Variants in CHRM2 observed in about 807,000 individuals in gnomAD.
CHRM2 encodes cholinergic receptor muscarinic 2, also known as muscarinic acetylcholine receptor M2.
CHRM2 carries 8 observed loss-of-function variants against 25.0 expected under a neutral mutation model. The observed-to-expected ratio is 0.32, with a 90% CI of 0.19 to 0.58. CHRM2 has a LOEUF of 0.58. CHRM2 is among the 20% of genes least tolerant of loss of function. The probability of loss-of-function intolerance (pLI) is 0.88; values close to 1 mark genes in which losing one functional copy is unlikely to be tolerated. For missense variants in CHRM2, 440 were observed against 567.1 expected (o/e 0.78, Z 2.28); for synonymous variants, 202 against 205.7 (o/e 0.98, Z 0.15).
chr7:136,983,528 T>C (rs895804682), intron 2 of CHRM2, among the ~76,000 whole-genome samples: 1 of 152,228 alleles, frequency 6.6e-6, no homozygotes, highest in Non-Finnish European at 1.5e-5. Context: ...GTTTTTGGAA[T>C]GTTCAGCCTT....
chr7:137,017,619 G>A lies in CHRM2; in HGVS notation c.*1353G>A, dbSNP rs1030248516. The stretch of plus-strand genomic sequence containing the variant: ...TTACATATTCCATATTCCTCAAATT[G>A]TCAATTCTCCCTAACATTATTTAAC... On this transcript the variant is annotated 3_prime_UTR_variant, in exon 4 of 4. Coordinates refer to ENST00000680005, the MANE Select transcript of CHRM2 (RefSeq NM_001006630.2). The A allele has an allele frequency of 3.9e-5, 6 of 151,954 alleles. No individual in the cohort carries two copies. Among genetic ancestry groups the A allele is most frequent in the African/African-American group, 1.4e-4 (6 of 41,418 alleles). 9.4% of individuals were successfully genotyped at this position (151,954 alleles called of 1,614,324 possible).
intron 2 of CHRM2, among the ~76,000 whole-genome samples, chr7:136,916,930 T>A (rs17496363): frequency 0.22 from 33,792 of 151,490 alleles, 4,927 homozygotes; most frequent in Non-Finnish European, 0.32. Flanking sequence ...GATCTCAGTG[T>A]TTTAATTCAG....
At chr7:136,964,965 T>A (rs1401219730) in intron 2 of CHRM2, among the ~76,000 whole-genome samples, 1 of 152,128 alleles carries the variant, frequency 6.6e-6, no homozygotes, top group Non-Finnish European at 1.5e-5. Context: ...CTTACAAATA[T>A]TGGAAATTTT....
chr7:136,966,713 CT>C (rs5887819), intron 2 of CHRM2, among the ~76,000 whole-genome samples: 89 of 145,754 alleles, frequency 6.1e-4, no homozygotes, highest in African/African-American at 1.4e-3. Context: ...TATAACTTGC[CT>C]TTTTTTTTTT....
rs1454074793 is a variant in CHRM2, at chr7:136,975,119, T to A, written c.-124-17068T>A. On this transcript the variant is annotated intron_variant, in intron 2 of 3. Coordinates refer to ENST00000680005, the MANE Select transcript of CHRM2 (RefSeq NM_001006630.2). ...TCAATAATAAGCAATTTAAAGCTCATAGGAGTGGACAATAATTGAAGATGA... is the reference window on the plus strand; with the variant it reads ...TCAATAATAAGCAATTTAAAGCTCAAAGGAGTGGACAATAATTGAAGATGA... Among the ~76,000 whole-genome samples, 3 of 152,198 alleles carry A rather than the reference T, an allele frequency of 2.0e-5. 1 individual carries two copies. The highest frequency in any genetic ancestry group is 7.2e-5 in the African/African-American group (3 of 41,450).
chr7:136,962,244 T>C (rs1419842589), intron 2 of CHRM2, among the ~76,000 whole-genome samples: 1 of 122,362 alleles, frequency 8.2e-6, no homozygotes, highest in Non-Finnish European at 1.7e-5. Context: ...GTGATTCTCA[T>C]GCCTCAGCCT....
chr7:136,980,822 C>T (rs372558471), intron 2 of CHRM2, among the ~76,000 whole-genome samples: 49 of 152,202 alleles, frequency 3.2e-4, no homozygotes, highest in African/African-American at 1.0e-3. Flanking sequence ...AGCTTTTTAA[C>T]GTGCTGCTGG....
intron 2 of CHRM2, among the ~76,000 whole-genome samples, chr7:136,924,707 A>G (rs946418244): frequency 2.0e-5 from 3 of 152,124 alleles, no homozygotes; most frequent in Non-Finnish European, 4.4e-5. Flanking sequence ...CTCTGCTGCC[A>G]GTGGTCACTG....
intron 2 of CHRM2, among the ~76,000 whole-genome samples, chr7:136,988,894 A>G (rs1458724359): frequency 6.6e-6 from 1 of 152,074 alleles, no homozygotes; most frequent in Admixed American, 6.5e-5. Context: ...TTATATATTT[A>G]TACAAATAAA....
intron 2 of CHRM2, chr7:136,902,252 CATCT>C (rs1440905349): frequency 2.0e-5 from 3 of 147,666 alleles, no homozygotes; most frequent in Non-Finnish European, 3.0e-5. Context: ...TCCATCCATC[CATCT>C]ATCCACCTAG....
At chr7:136,941,069 C>T (rs1799744058) in intron 2 of CHRM2, among the ~76,000 whole-genome samples, 1 of 152,184 alleles carries the variant, frequency 6.6e-6, no homozygotes, top group African/African-American at 2.4e-5. Flanking sequence ...CTGCTGAGGC[C>T]TGGGTTTACT....
At chr7:136,944,510 C>CAT (rs1799957049) in intron 2 of CHRM2, among the ~76,000 whole-genome samples, 1 of 151,698 alleles carries the variant, frequency 6.6e-6, no homozygotes, top group African/African-American at 2.4e-5. Flanking sequence ...TATATGTGTA[C>CAT]ATATATACGT....
At chr7:136,942,608 C>T (rs1054854924) in intron 2 of CHRM2, among the ~76,000 whole-genome samples, 8 of 152,164 alleles carry the variant, frequency 5.3e-5, no homozygotes, top group Non-Finnish European at 7.4e-5. Context: ...CCTCTTGTCC[C>T]TTTACCCTTT....
At chr7:137,010,881 G>A (rs1399921200) in intron 3 of CHRM2, among the ~76,000 whole-genome samples, 3 of 151,812 alleles carry the variant, frequency 2.0e-5, no homozygotes, top group East Asian at 1.9e-4. Context: ...CACGTTACTG[G>A]ATAGAGTATA....
At chr7:136,942,353 G>A (rs1429001944) in intron 2 of CHRM2, among the ~76,000 whole-genome samples, 4 of 152,064 alleles carry the variant, frequency 2.6e-5, no homozygotes, top group Non-Finnish European at 4.4e-5. Flanking sequence ...TTTGTGTCCT[G>A]GCAGCTTCCA....
chr7:136,923,385 T>C (rs1451866764), intron 2 of CHRM2, among the ~76,000 whole-genome samples: 1 of 151,984 alleles, frequency 6.6e-6, no homozygotes, highest in Non-Finnish European at 1.5e-5. Context: ...CTCCCTGGAA[T>C]GTGCTCCCTG....
intron 2 of CHRM2, among the ~76,000 whole-genome samples, chr7:136,883,054 T>C (rs749929005): frequency 3.3e-5 from 5 of 152,174 alleles, no homozygotes; most frequent in Non-Finnish European, 7.4e-5. Flanking sequence ...GCCTTAGCCT[T>C]ACTCAAAAGA....
intron 2 of CHRM2, among the ~76,000 whole-genome samples, chr7:136,908,183 T>G (rs1797657796): frequency 6.6e-6 from 1 of 151,960 alleles, no homozygotes. Flanking sequence ...AAAAGAGCTG[T>G]ATGAGATTAC....
chr7:136,876,889 A>G lies in CHRM2; in HGVS notation c.-125+7471A>G, dbSNP rs76876694. ...AATGATAAGATTCTGAATTACTTAA[A>G]TAACTACTATCTTCTAAGAAGTCAT... is the stretch of plus-strand genomic sequence containing the variant. On this transcript the variant is annotated intron_variant, in intron 2 of 3. Transcript: ENST00000680005. Among the ~76,000 whole-genome samples, 653 of 152,224 alleles carry G rather than the reference A, an allele frequency of 4.3e-3. 3 individuals are homozygous for G. Among genetic ancestry groups the G allele is most frequent in the African/African-American group, 0.015 (623 of 41,550 alleles).
Sources: allele counts gnomAD v4.1 joint callset (sites outside exome capture counted in the v4.1 genomes callset), GRCh38; gene constraint gnomAD v4.1.1; transcripts MANE v1.5; gene names NCBI Gene and HGNC (gene_info 2026-07-23, HGNC 2026-07-21).